Variants in PRSS55 observed in about 807,000 individuals in gnomAD.
PRSS55 encodes the protein probable serine protease UNQ9391/PRO34284.
A neutral mutation model predicts 23.6 loss-of-function variants in PRSS55; 41 were observed. The observed-to-expected ratio is 1.74, with a 90% CI of 1.35 to 2.26. PRSS55 has a LOEUF of 2.26. Among genes scored for constraint, PRSS55 ranks in the 30% most tolerant of loss-of-function variants. The pLI is 0.00. For synonymous variants in PRSS55, 262 were observed against 175.5 expected (o/e 1.49, Z -3.90); for missense variants, 669 against 439.1 (o/e 1.52, Z -4.68).
At position 10,543,965 on chromosome 8, in the gene PRSS55, T is replaced by C. The variant is rs979285929; in HGVS notation, c.742-9978T>C. 2.6e-5 allele frequency among the ~76,000 whole-genome samples: 4 copies of C among 152,326 alleles called. No homozygotes were observed. The East Asian group carries it at 7.7e-4, about 29-fold the overall frequency. ...GAATATGATCTATCCTAAAGAATAT[T>C]TTATGTACTGTATTTTAAAAAGTAT... On this transcript the variant is annotated intron_variant, in intron 4 of 4. Coordinates refer to the PRSS55 transcript ENST00000522210.
chr8:10,538,332 A>G (rs941646477), intron 4 of PRSS55, 144 bp from the exon 5 acceptor site: 3 of 657,256 alleles, frequency 4.6e-6, no homozygotes, highest in African/African-American at 1.8e-5. Context: ...TGGCAGCCAC[A>G]TGCTTCTCCC....
chr8:10,531,596 G>T, intron 3 of PRSS55, 51 bp downstream of exon 3: 1 of 1,599,306 alleles, frequency 6.3e-7, no homozygotes, highest in South Asian at 1.1e-5. Flanking sequence ...CAATGTGAAG[G>T]AGAGGGGAGG....
intron 1 of PRSS55, among the ~76,000 whole-genome samples, chr8:10,528,200 C>CA (rs35143057): frequency 0.26 from 23,273 of 89,246 alleles, 2,364 homozygotes; most frequent in East Asian, 0.44. Flanking sequence ...CTTCGTCTCT[C>CA]AAAAAAAAAA....
chr8:10,548,493 G>T (rs1485190558), intron 4 of PRSS55, among the ~76,000 whole-genome samples: 1 of 152,116 alleles, frequency 6.6e-6, no homozygotes, highest in Non-Finnish European at 1.5e-5. Flanking sequence ...ATGGGCTGTG[G>T]CACCGCGGGG....
At chr8:10,534,644 C>T (rs747847207) in intron 4 of PRSS55, among the ~76,000 whole-genome samples, 1 of 152,200 alleles carries the variant, frequency 6.6e-6, no homozygotes, top group Admixed American at 6.5e-5. Context: ...GCCTCCCTCT[C>T]AGGACCAGAA....
At chr8:10,535,832 T>C (rs1812434753) in intron 4 of PRSS55, among the ~76,000 whole-genome samples, 1 of 152,112 alleles carries the variant, frequency 6.6e-6, no homozygotes, top group Non-Finnish European at 1.5e-5. Context: ...AGGTCTAATA[T>C]TCACAATTTA....
At position 10,529,565 on chromosome 8, in the gene PRSS55, G is replaced by T. The variant is rs934013386; in HGVS notation, c.213G>T (p.Gly71=). 43 of 1,614,114 alleles carry T rather than the reference G, an allele frequency of 2.7e-5. No individual in the cohort carries two copies. The highest frequency in any genetic ancestry group is 3.4e-5 in the Non-Finnish European group (40 of 1,180,046). ...CTCGGTATTCCAGAATCACAGGGGG[G>T]ATGGAGGCGGAGGTGGGTGAGTTTC... ...GRTRYSRITG[G]MEAEVGEFPW... The change falls in exon 2 of 5, where the codon GGG becomes GGT. Residue 71 remains glycine, a synonymous_variant. Transcript: ENST00000328655.
At chr8:10,528,194 G>A (rs775843969) in intron 1 of PRSS55, among the ~76,000 whole-genome samples, 2 of 136,832 alleles carry the variant, frequency 1.5e-5, no homozygotes, top group East Asian at 2.2e-4. Flanking sequence ...GCAAGACTTC[G>A]TCTCTCAAAA....
intron 4 of PRSS55, among the ~76,000 whole-genome samples, chr8:10,548,818 T>C (rs1812883419): frequency 6.6e-6 from 1 of 152,090 alleles, no homozygotes; most frequent in Non-Finnish European, 1.5e-5. Flanking sequence ...TCAAAAGCCT[T>C]TTATTAAAGC....
chr8:10,534,246 G>C (rs773572058), intron 4 of PRSS55, among the ~76,000 whole-genome samples: 2 of 152,196 alleles, frequency 1.3e-5, no homozygotes, highest in Non-Finnish European at 2.9e-5. Context: ...ATAGTATCTT[G>C]TAAAATAAAA....
intron 4 of PRSS55, among the ~76,000 whole-genome samples, chr8:10,537,471 G>A (rs144229704): frequency 6.6e-6 from 1 of 152,196 alleles, no homozygotes; most frequent in African/African-American, 2.4e-5. Flanking sequence ...AGGAAAGCAG[G>A]TGGGGACTCC....
chr8:10,533,748 G>C (rs185406515), intron 4 of PRSS55, among the ~76,000 whole-genome samples: 35 of 152,290 alleles, frequency 2.3e-4, no homozygotes, highest in Non-Finnish European at 2.9e-5. Context: ...CTGAAGACTA[G>C]GGACCTGCTC....
chr8:10,530,286 C>T (rs950836074), intron 2 of PRSS55, among the ~76,000 whole-genome samples: 1 of 152,124 alleles, frequency 6.6e-6, no homozygotes, highest in Non-Finnish European at 1.5e-5. Flanking sequence ...ACTGGCCTGG[C>T]CAATATGGTG....
intron 1 of PRSS55, 105 bp from the exon 2 acceptor site, chr8:10,529,402 G>C (rs1812160527): frequency 1.8e-6 from 2 of 1,139,746 alleles, no homozygotes; most frequent in African/African-American, 1.5e-5. Flanking sequence ...ATGGGGATGA[G>C]GATATCCACT....
At chr8:10,549,976 G>A (rs527505755) in intron 4 of PRSS55, among the ~76,000 whole-genome samples, 15 of 152,106 alleles carry the variant, frequency 9.9e-5, no homozygotes, top group Non-Finnish European at 1.5e-4. Context: ...CTGGAGTGCC[G>A]TGCTGTGATC....
chr8:10,546,755 C>A (rs111509700), intron 4 of PRSS55, among the ~76,000 whole-genome samples: 11,546 of 152,220 alleles, frequency 0.076, 487 homozygotes, highest in Non-Finnish European at 0.096. Flanking sequence ...CCAATCAAGG[C>A]CCACTGAAGC....
intron 4 of PRSS55, among the ~76,000 whole-genome samples, chr8:10,548,078 G>C (rs2117081183): frequency 6.6e-6 from 1 of 152,318 alleles, no homozygotes; most frequent in African/African-American, 2.4e-5. Context: ...CCGTGTGAAA[G>C]AGTGTCTCGG....
At chr8:10,553,844 G>T in intron 4 of PRSS55, 1 of 727,384 alleles carries the variant, frequency 1.4e-6, no homozygotes, top group Non-Finnish European at 2.2e-6. Flanking sequence ...AGTTTAATTG[G>T]AGTAACCATT....
intron 4 of PRSS55, among the ~76,000 whole-genome samples, chr8:10,547,224 G>C (rs564149860): frequency 6.6e-6 from 1 of 152,184 alleles, no homozygotes; most frequent in South Asian, 2.1e-4. Flanking sequence ...GAGCCGCCGA[G>C]GGGTGAGCGT....
Sources: gnomAD v4.1 joint callset for allele counts (sites outside exome capture counted in the v4.1 genomes callset) on GRCh38, gnomAD v4.1.1 for gene constraint, MANE v1.5 for transcripts, NCBI Gene and HGNC (gene_info 2026-07-23, HGNC 2026-07-21) for gene names.